Variants in XIRP2 observed in about 807,000 individuals in gnomAD.
XIRP2 encodes xin actin-binding repeat-containing protein 2.
In XIRP2, 236 loss-of-function variants were observed where a neutral mutation model predicts 277.0. The ratio of observed to expected loss-of-function variants is 0.85; its 90% CI spans 0.77 to 0.95. The LOEUF (loss-of-function observed/expected upper bound fraction) is 0.95, where lower values mean the gene tolerates loss of function less well. XIRP2 is among the 40% of genes least tolerant of loss of function. XIRP2 has a pLI of 0.00. For missense variants in XIRP2, 4,640 were observed against 4,157.5 expected, an observed-to-expected ratio of 1.12 and a Z score of -3.19; for synonymous variants, 1,490 against 1,416.5, an observed-to-expected ratio of 1.05 and a Z score of -1.17.
At chr2:167,109,481 A>G (rs887266590) in intron 2 of XIRP2, among the ~76,000 whole-genome samples, 1 of 152,140 alleles carries the variant, frequency 6.6e-6, no homozygotes, top group Non-Finnish European at 1.5e-5. Flanking sequence ...GAGTTTCTCC[A>G]TGTTGGCCAA....
At position 167,251,334 on chromosome 2, in the gene XIRP2, G is replaced by A. The variant is rs369325081; in HGVS notation, c.9942G>A (p.Ala3314=). ...RLSEHTQRYE[A]ANRTVQMAEN... is the part of the protein sequence containing the mutation. The stretch of plus-strand genomic sequence containing the variant: ...CAGAGCACACACAGAGATATGAAGC[G>A]GCCAACCGAACTGTTCAAATGGCTG... The change falls in exon 9 of 11, where the codon GCG becomes GCA. Residue 3314 remains alanine, a synonymous_variant. Coordinates refer to ENST00000409195, the MANE Select transcript of XIRP2 (RefSeq NM_152381.6). 6 of 1,613,392 alleles carry A rather than the reference G, an allele frequency of 3.7e-6. No homozygotes were observed. Among genetic ancestry groups the A allele is most frequent in the Non-Finnish European group, 4.2e-6 (5 of 1,179,682 alleles).
At chr2:167,151,903 A>G (rs567736217) in intron 3 of XIRP2, among the ~76,000 whole-genome samples, 1 of 152,250 alleles carries the variant, frequency 6.6e-6, no homozygotes, top group East Asian at 1.9e-4. Context: ...TTTCAAAGGA[A>G]TTAGCTCTTG....
intron 2 of XIRP2, among the ~76,000 whole-genome samples, chr2:167,064,286 G>A (rs939843423): frequency 6.6e-6 from 1 of 151,632 alleles, no homozygotes; most frequent in Non-Finnish European, 1.5e-5. Flanking sequence ...TAATTGTATA[G>A]TGGTTGCTCT....
At chr2:167,134,422 G>A (rs1157930674) in intron 2 of XIRP2, among the ~76,000 whole-genome samples, 3 of 151,632 alleles carry the variant, frequency 2.0e-5, no homozygotes, top group African/African-American at 7.3e-5. Flanking sequence ...TCTAACCATA[G>A]CAAAGACATA....
intron 3 of XIRP2, among the ~76,000 whole-genome samples, chr2:167,166,494 A>C (rs2105345386): frequency 6.6e-6 from 1 of 152,238 alleles, no homozygotes; most frequent in South Asian, 2.1e-4. Context: ...GGTTGTGTTC[A>C]TCTGTTTTTG....
At chr2:167,041,449 T>C (rs1454553681) in intron 2 of XIRP2, among the ~76,000 whole-genome samples, 1 of 152,048 alleles carries the variant, frequency 6.6e-6, no homozygotes, top group Non-Finnish European at 1.5e-5. Flanking sequence ...ATACAAGAGC[T>C]GAAAGACAAA....
chr2:166,909,945 C>A (rs1221005869), intron 2 of XIRP2, among the ~76,000 whole-genome samples: 1 of 152,194 alleles, frequency 6.6e-6, no homozygotes, highest in Non-Finnish European at 1.5e-5. Context: ...ACCAGCCTTG[C>A]ATCCCAGGGA....
rs183449879 is a variant in XIRP2, at chr2:167,162,270, A to G, written c.562+26208A>G. Reference sequence around the variant, plus strand: ...CAAAGTTGTTTCCACACTTTCAGGTATCTACAGCAGCACCCCACTCTACTG... The same window carrying G: ...CAAAGTTGTTTCCACACTTTCAGGTGTCTACAGCAGCACCCCACTCTACTG... On this transcript the variant is annotated intron_variant, in intron 3 of 10. Coordinates refer to ENST00000409195, the MANE Select transcript of XIRP2 (RefSeq NM_152381.6). Among the ~76,000 whole-genome samples, 38 of 152,336 alleles carry G rather than the reference A, an allele frequency of 2.5e-4. No homozygotes were observed. In the East Asian group the frequency reaches 5.8e-3, roughly 23 times the overall value.
chr2:167,085,933 C>T (rs1462709705), intron 2 of XIRP2, among the ~76,000 whole-genome samples: 7 of 152,110 alleles, frequency 4.6e-5, no homozygotes, highest in South Asian at 4.2e-4. Flanking sequence ...GAACATTTAG[C>T]CCATTTACAT....
rs113558500 is a variant in XIRP2 at position 166,892,808 on chromosome 2, GATAT to G, written c.-19+4267_-19+4270del. Among the ~76,000 whole-genome samples, 226 of 143,234 alleles carry G rather than the reference GATAT, an allele frequency of 1.6e-3. 3 individuals are homozygous for G. The East Asian group carries it at 0.042, about 27-fold the overall frequency. 94.0% of individuals were successfully genotyped at this position (143,234 alleles called of 152,430 possible). On this transcript the variant is annotated intron_variant, in intron 1 of 10. Coordinates refer to ENST00000409195, the MANE Select transcript of XIRP2 (RefSeq NM_152381.6). ...CAGCCTCAGAGATCATTTCATAGAAGATATATATATATATATATAACTTCTATGA... is the reference window on the plus strand; with the variant it reads ...CAGCCTCAGAGATCATTTCATAGAAGATATATATATATATAACTTCTATGA...
Position 167,244,712 on chromosome 2 carries a change from AT to A in XIRP2, c.3321del (p.Tyr1107Ter), listed in dbSNP as rs1695190473. On this transcript the variant is annotated frameshift_variant, in exon 9 of 11. Coordinates refer to ENST00000409195, the MANE Select transcript of XIRP2 (RefSeq NM_152381.6). LOFTEE classifies it high-confidence loss of function. ...LFETQPMESLYEKVSLMTSSE... is the reference protein window; with the variant it reads ...LFETQPMESLXEKVSLMTSSE... ...GAGACCCAGCCAATGGAGTCTCTTT[AT>A]GAAAAAGTTTCGTTAATGACCAGCA... is the stretch of plus-strand genomic sequence containing the variant. The A allele has an allele frequency of 9.3e-6, 15 of 1,613,214 alleles. No homozygotes were observed. The highest frequency in any genetic ancestry group is 1.3e-5 in the Non-Finnish European group (15 of 1,179,682).
At chr2:167,170,396 C>T (rs1268474314) in intron 3 of XIRP2, among the ~76,000 whole-genome samples, 1 of 152,208 alleles carries the variant, frequency 6.6e-6, no homozygotes, top group East Asian at 1.9e-4. Context: ...TTCTTTATTA[C>T]ATCTTTGATA....
intron 2 of XIRP2, among the ~76,000 whole-genome samples, chr2:166,928,058 A>G (rs1685236867): frequency 6.6e-6 from 1 of 152,150 alleles, no homozygotes; most frequent in African/African-American, 2.4e-5. Context: ...ATCAATGTCC[A>G]AGGCTAGAAG....
intron 2 of XIRP2, among the ~76,000 whole-genome samples, chr2:167,093,887 A>G (rs1485203589): frequency 6.6e-6 from 1 of 152,072 alleles, no homozygotes; most frequent in African/African-American, 2.4e-5. Flanking sequence ...TTGAGGAATC[A>G]CCACTCTGTC....
chr2:166,913,314 C>G (rs972436605), intron 2 of XIRP2, among the ~76,000 whole-genome samples: 1 of 130,470 alleles, frequency 7.7e-6, no homozygotes, highest in Non-Finnish European at 1.7e-5. Context: ...GTGGGCACCC[C>G]CCCCCCCCAG....
At position 167,258,971 on chromosome 2, in the gene XIRP2, G is replaced by C. The variant is rs755909106; in HGVS notation, c.*1154G>C. 150 of 1,612,196 alleles carry C rather than the reference G, an allele frequency of 9.3e-5. No homozygotes were observed. The highest frequency in any genetic ancestry group is 1.2e-4 in the Non-Finnish European group (140 of 1,179,176). On this transcript the variant is annotated 3_prime_UTR_variant, in exon 11 of 11. Transcript: ENST00000409195. ...CCTCAGCAGAGGCCTTATGGTAAAG[G>C]GGGGAAGTTCAATCATCTCTCCTGA...
At chr2:166,937,568 T>G (rs962925308) in intron 2 of XIRP2, among the ~76,000 whole-genome samples, 2 of 152,210 alleles carry the variant, frequency 1.3e-5, no homozygotes, top group African/African-American at 4.8e-5. Flanking sequence ...TTTTTTGTTG[T>G]GTCTCTGTCA....
intron 2 of XIRP2, among the ~76,000 whole-genome samples, chr2:166,959,441 C>T (rs866145576): frequency 6.6e-6 from 1 of 151,836 alleles, no homozygotes; most frequent in Non-Finnish European, 1.5e-5. Flanking sequence ...ACTCTAATTG[C>T]TTCTCAGAAG....
chr2:167,069,551 T>A (rs1321400317), intron 2 of XIRP2, among the ~76,000 whole-genome samples: 1 of 152,156 alleles, frequency 6.6e-6, no homozygotes, highest in Non-Finnish European at 1.5e-5. Flanking sequence ...TGTTCAGATT[T>A]TTAGTCTTCC....
Sources: gnomAD v4.1 joint callset for allele counts (sites outside exome capture counted in the v4.1 genomes callset) on GRCh38, gnomAD v4.1.1 for gene constraint, MANE v1.5 for transcripts, NCBI Gene and HGNC (gene_info 2026-07-23, HGNC 2026-07-21) for gene names.